DGKK: variants seen among roughly 807,000 people sequenced by gnomAD.
The protein encoded by DGKK is diacylglycerol kinase kappa, also known as 142 kDa diacylglycerol kinase.
A neutral mutation model predicts 92.2 loss-of-function variants in DGKK; 35 were observed. That is an observed-to-expected ratio of 0.38 (90% CI 0.29 to 0.50). The LOEUF (loss-of-function observed/expected upper bound fraction) is 0.50, where lower values mean the gene tolerates loss of function less well. DGKK is among the 20% of genes least tolerant of loss of function. DGKK has a pLI of 0.92. For synonymous variants in DGKK, 368 were observed against 360.6 expected, an observed-to-expected ratio of 1.02 and a Z score of -0.23; for missense variants, 910 against 992.2, an observed-to-expected ratio of 0.92 and a Z score of 1.11.
At position 50,447,412 on chromosome X, in the gene DGKK, A is replaced by ATAT. The variant is rs1926387422; in HGVS notation, c.645+22619_645+22621dup. On this transcript the variant is annotated intron_variant, in intron 1 of 27. Transcript: ENST00000611977. ...TATATATATTATATATATATATAAT[A>ATAT]TATATATATATATATTATATATATA... Among the ~76,000 whole-genome samples the ATAT allele has an allele frequency of 1.4e-3, 19 of 13,228 alleles. 1 individual carries two copies. In the African/African-American group the frequency reaches 0.015, roughly 10 times the overall value. The allele number at this position is 13,228 out of a possible 115,157, so 11.5% of individuals were successfully genotyped here. A position where few individuals can be genotyped will look rare whatever the true frequency, so the allele number is the denominator to read the frequency against.
rs920489091 is a variant in DGKK at position 50,465,095 on chromosome X, G to A, written c.645+4939C>T. Reference sequence around the variant, plus strand: ...TTAATTTTCTCAAGAGATTAAGCATGAGCCATGAAGTCAAATAAAGTTTAC... The same window carrying A: ...TTAATTTTCTCAAGAGATTAAGCATAAGCCATGAAGTCAAATAAAGTTTAC... On this transcript the variant is annotated intron_variant, in intron 1 of 27. Coordinates refer to ENST00000611977, the MANE Select transcript of DGKK (RefSeq NM_001013742.4). Among the ~76,000 whole-genome samples, 3 of 111,617 alleles carry A rather than the reference G, an allele frequency of 2.7e-5. No individual in the cohort carries two copies. The East Asian group carries it at 8.5e-4, about 31-fold the overall frequency.
intron 4 of DGKK, among the ~76,000 whole-genome samples, chrX:50,409,753 T>G (rs782509712): frequency 5.4e-5 from 6 of 111,652 alleles, no homozygotes; most frequent in Non-Finnish European, 1.1e-4. Context: ...CCCCTTCATA[T>G]CATATGTTGA....
chrX:50,390,255 C>G (rs1924652096), intron 12 of DGKK, 73 bp downstream of exon 12: 1 of 1,005,269 alleles, frequency 9.9e-7, no homozygotes, highest in Non-Finnish European at 1.4e-6. Context: ...GCAAAAGCTT[C>G]TCTCTGGGTT....
In DGKK at chrX:50,376,189, G is replaced by A. The variant is rs4074319; in HGVS notation, c.3273-24C>T. ...GTCTGTAATAAAGCAAGGACAGATAGATGAGTTGGGATTTCTGAAGGACTT... is the reference window on the plus strand; with the variant it reads ...GTCTGTAATAAAGCAAGGACAGATAAATGAGTTGGGATTTCTGAAGGACTT... On this transcript the variant is annotated intron_variant, in intron 23 of 27. Coordinates refer to ENST00000611977, the MANE Select transcript of DGKK (RefSeq NM_001013742.4). 0.012 allele frequency: 14,073 copies of A among 1,200,279 alleles called. 1,066 individuals carry two copies. The African/African-American group carries it at 0.22, about 18-fold the overall frequency.
intron 4 of DGKK, among the ~76,000 whole-genome samples, chrX:50,417,594 G>A (rs1224150640): frequency 9.0e-6 from 1 of 110,673 alleles, no homozygotes; most frequent in East Asian, 2.8e-4. Flanking sequence ...TCATCTGTCT[G>A]TGACTTTTCT....
chrX:50,405,475 C>T (rs1404992110), intron 4 of DGKK, among the ~76,000 whole-genome samples: 1 of 109,055 alleles, frequency 9.2e-6, no homozygotes, highest in Non-Finnish European at 1.9e-5. Flanking sequence ...AAAGGCATGA[C>T]AAGACTTTAA....
Position 50,365,630 on chromosome X carries a change from A to G in DGKK, c.*3310T>C, listed in dbSNP as rs1311741574. Reference sequence around the variant, plus strand: ...TCTGAGGAAATAAAAAACACAGAGCAGAAAACAACAATGGGTTACAGATTC... The same window carrying G: ...TCTGAGGAAATAAAAAACACAGAGCGGAAAACAACAATGGGTTACAGATTC... On this transcript the variant is annotated 3_prime_UTR_variant, in exon 28 of 28. Coordinates refer to ENST00000611977, the MANE Select transcript of DGKK (RefSeq NM_001013742.4). 9.0e-6 allele frequency: 1 copy of G among 111,325 alleles called. No homozygotes were observed. The highest frequency in any genetic ancestry group is 1.9e-5 in the Non-Finnish European group (1 of 53,116). The allele number at this position is 111,325 out of a possible 1,213,427, so 9.2% of individuals were successfully genotyped here.
At chrX:50,377,195 C>A (rs919123496) in intron 22 of DGKK, among the ~76,000 whole-genome samples, 4 of 112,250 alleles carry the variant, frequency 3.6e-5, no homozygotes, top group Non-Finnish European at 7.5e-5. Context: ...ATACACATGT[C>A]TGGTTTCTAG....
chrX:50,452,590 A>T (rs938846984), intron 1 of DGKK, among the ~76,000 whole-genome samples: 1 of 111,904 alleles, frequency 8.9e-6, no homozygotes, highest in African/African-American at 3.2e-5. Context: ...TTGTTAAAAA[A>T]CAGTAGTAAG....
At chrX:50,454,322 C>T (rs899061291) in intron 1 of DGKK, among the ~76,000 whole-genome samples, 23 of 111,128 alleles carry the variant, frequency 2.1e-4, no homozygotes, top group African/African-American at 7.5e-4. Context: ...CAGTTATTGG[C>T]ACAGCGCTCA....
chrX:50,457,689 A>G (rs921961211), intron 1 of DGKK, among the ~76,000 whole-genome samples: 30 of 111,960 alleles, frequency 2.7e-4, no homozygotes, highest in African/African-American at 8.4e-4. Flanking sequence ...TACAAATTCA[A>G]TGTGGATGGT....
At chrX:50,468,169 A>C in intron 1 of DGKK, among the ~76,000 whole-genome samples, 1 of 112,086 alleles carries the variant, frequency 8.9e-6, no homozygotes, top group East Asian at 2.8e-4. Context: ...CCTGTCAAAC[A>C]GGTAGGAGAT....
At chrX:50,408,492 C>T (rs1557227510) in intron 4 of DGKK, among the ~76,000 whole-genome samples, 1 of 110,924 alleles carries the variant, frequency 9.0e-6, no homozygotes, top group Admixed American at 9.5e-5. Flanking sequence ...CATTCTCCTG[C>T]CTCAGCCTCC....
At chrX:50,384,596 G>A (rs1172501311) in intron 16 of DGKK, 124 bp downstream of exon 16, 10 of 592,624 alleles carry the variant, frequency 1.7e-5, no homozygotes, top group East Asian at 6.8e-5. Context: ...TGGGAAAGAC[G>A]GAGGGGTATC....
chrX:50,411,726 A>AT (rs1925310875), intron 4 of DGKK, among the ~76,000 whole-genome samples: 1 of 111,855 alleles, frequency 8.9e-6, no homozygotes, highest in Non-Finnish European at 1.9e-5. Flanking sequence ...AACCAGAGCA[A>AT]TTAGGCAGGA....
intron 2 of DGKK, among the ~76,000 whole-genome samples, chrX:50,422,749 CAAAAT>C (rs1925631542): frequency 9.0e-6 from 1 of 111,467 alleles, no homozygotes; most frequent in South Asian, 3.8e-4. Flanking sequence ...AAAATGAAAT[CAAAAT>C]AAACTTTTTA....
intron 8 of DGKK, among the ~76,000 whole-genome samples, chrX:50,400,550 C>T (rs1924974808): frequency 8.9e-6 from 1 of 111,949 alleles, no homozygotes; most frequent in East Asian, 2.8e-4. Flanking sequence ...CTTTCTGTAG[C>T]CTTCAGACAC....
intron 8 of DGKK, among the ~76,000 whole-genome samples, chrX:50,398,873 C>G (rs904803981): frequency 6.3e-5 from 7 of 111,637 alleles, no homozygotes; most frequent in Admixed American, 2.8e-4. Context: ...GTTGATTTCA[C>G]TACCAGCCTG....
At chrX:50,373,105 C>T (rs782395115) in intron 25 of DGKK, among the ~76,000 whole-genome samples, 1 of 112,248 alleles carries the variant, frequency 8.9e-6, no homozygotes, top group Non-Finnish European at 1.9e-5. Context: ...ACAATACAAA[C>T]TGCCCTAGAT....
Sources: allele counts gnomAD v4.1 joint callset (sites outside exome capture counted in the v4.1 genomes callset), GRCh38; gene constraint gnomAD v4.1.1; transcripts MANE v1.5; gene names NCBI Gene and HGNC (gene_info 2026-07-23, HGNC 2026-07-21).